SLC9C2: variants seen among roughly 807,000 people sequenced by gnomAD.
SLC9C2 encodes the protein sodium/hydrogen exchanger 11.
Under a neutral mutation model 140.2 loss-of-function variants are expected in SLC9C2, and 75 were observed. The observed-to-expected ratio is 0.53, with a 90% CI of 0.44 to 0.65. SLC9C2 has a LOEUF of 0.65. Ranked by LOEUF, SLC9C2 falls within the 30% of genes least tolerant of loss-of-function variation. SLC9C2 has a pLI of 0.00. For synonymous variants in SLC9C2, 375 were observed against 420.9 expected (o/e 0.89, Z 1.34); for missense variants, 1,074 against 1,331.8 (o/e 0.81, Z 3.01).
intron 23 of SLC9C2, among the ~76,000 whole-genome samples, chr1:173,512,354 A>G (rs927716666): frequency 6.6e-6 from 1 of 152,118 alleles, no homozygotes; most frequent in Non-Finnish European, 1.5e-5. Flanking sequence ...GTTCTCCTTG[A>G]AAAGGTCCTT....
chr1:173,524,624 C>T lies in SLC9C2; in HGVS notation c.2514+155G>A, dbSNP rs148283204. Among the ~76,000 whole-genome samples, 666 of 152,282 alleles carry T rather than the reference C, an allele frequency of 4.4e-3. 6 individuals carry two copies. The highest frequency in any genetic ancestry group is 0.015 in the African/African-American group (625 of 41,552). ...ACAAATGGAGTGTACCGGATTGCAT[C>T]GGCATTCGTTGTCCTTTGCATTATC... On this transcript the variant is annotated intron_variant, in intron 20 of 27. Transcript: ENST00000367714.
intron 2 of SLC9C2, 31 bp downstream of exon 2, chr1:173,601,619 G>A (rs759188090): frequency 6.2e-7 from 1 of 1,609,176 alleles, no homozygotes; most frequent in South Asian, 1.1e-5. Flanking sequence ...ACAGGGCAGA[G>A]GAAAGATGAG....
chr1:173,528,133 G>C (rs1159419041), intron 18 of SLC9C2, among the ~76,000 whole-genome samples: 1 of 152,166 alleles, frequency 6.6e-6, no homozygotes, highest in African/African-American at 2.4e-5. Flanking sequence ...CCTACAAAGA[G>C]AGCATAATCA....
At chr1:173,598,091 T>C in intron 3 of SLC9C2, 59 bp from the exon 4 acceptor site, 2 of 1,500,250 alleles carry the variant, frequency 1.3e-6, no homozygotes, top group Middle Eastern at 2.1e-4. Context: ...TATTAGAAAC[T>C]AGGTTGATGC....
At chr1:173,567,077 A>G (rs766152307) in intron 9 of SLC9C2, among the ~76,000 whole-genome samples, 4 of 152,080 alleles carry the variant, frequency 2.6e-5, no homozygotes, top group Non-Finnish European at 4.4e-5. Flanking sequence ...GACTTGTTTT[A>G]TGATCTAACA....
intron 5 of SLC9C2, 103 bp from the exon 6 acceptor site, chr1:173,583,725 GA>G (rs1261745085): frequency 3.0e-6 from 2 of 661,078 alleles, no homozygotes; most frequent in Admixed American, 5.7e-5. Flanking sequence ...AGAAAAAAGA[GA>G]AAGAACAAGG....
At chr1:173,529,473 A>C (rs1217651280) in intron 18 of SLC9C2, among the ~76,000 whole-genome samples, 2 of 151,194 alleles carry the variant, frequency 1.3e-5, no homozygotes, top group Non-Finnish European at 2.9e-5. Flanking sequence ...CTACTCACCC[A>C]CCCCACAGTA....
At chr1:173,514,688 T>C (rs953892834) in intron 23 of SLC9C2, among the ~76,000 whole-genome samples, 3 of 152,246 alleles carry the variant, frequency 2.0e-5, no homozygotes, top group African/African-American at 2.4e-5. Context: ...GTCATCATGA[T>C]GCTATCTGGT....
At chr1:173,529,007 T>C (rs759044888) in intron 18 of SLC9C2, among the ~76,000 whole-genome samples, 1 of 152,212 alleles carries the variant, frequency 6.6e-6, no homozygotes, top group Non-Finnish European at 1.5e-5. Flanking sequence ...GATAATATTA[T>C]GTTAATTCTT....
At chr1:173,538,215 G>T (rs1028728447) in intron 13 of SLC9C2, among the ~76,000 whole-genome samples, 1 of 152,220 alleles carries the variant, frequency 6.6e-6, no homozygotes, top group Admixed American at 6.5e-5. Context: ...GGCTACTGGA[G>T]CACTTAGTGG....
chr1:173,550,691 C>T (rs1040016836), intron 11 of SLC9C2, among the ~76,000 whole-genome samples: 4 of 151,830 alleles, frequency 2.6e-5, no homozygotes, highest in African/African-American at 9.7e-5. Context: ...CCCGCCTTGG[C>T]CTTCCAAAGT....
chr1:173,589,244 G>A (rs940277863), intron 4 of SLC9C2, among the ~76,000 whole-genome samples: 2 of 151,938 alleles, frequency 1.3e-5, no homozygotes, highest in Non-Finnish European at 2.9e-5. Flanking sequence ...ATGATTATGG[G>A]ACTATTTGGG....
chr1:173,592,413 T>C lies in SLC9C2; in HGVS notation c.358-4583A>G, dbSNP rs188737585. 2.4e-4 allele frequency among the ~76,000 whole-genome samples: 36 copies of C among 152,352 alleles called. No homozygotes were observed. The East Asian group carries it at 6.6e-3, about 28-fold the overall frequency. On this transcript the variant is annotated intron_variant, in intron 4 of 27. Coordinates refer to ENST00000367714, the MANE Select transcript of SLC9C2 (RefSeq NM_178527.4). ...GTTCTGTGAAGAACATCTTCGGCAG[T>C]TTGATAGAAATAGCACTGAATTGGT...
chr1:173,582,396 T>C (rs1164408649), intron 6 of SLC9C2, among the ~76,000 whole-genome samples: 2 of 152,204 alleles, frequency 1.3e-5, no homozygotes, highest in African/African-American at 4.8e-5. Flanking sequence ...ACTGCTAACC[T>C]GCAGTTAGTT....
Position 173,506,978 on chromosome 1 carries a change from T to C in SLC9C2, c.3103A>G (p.Ser1035Gly), listed in dbSNP as rs1393246678. The C allele has an allele frequency of 7.4e-6, 12 of 1,612,272 alleles. No homozygotes were observed. The highest frequency in any genetic ancestry group is 5.5e-5 in the South Asian group (5 of 90,586). The change falls in exon 25 of 28, where the codon AGT (serine) becomes GGT (glycine). Residue 1035 changes from serine (S) to glycine (G), a missense_variant. By Grantham distance (56) the Ser-to-Gly change is moderately conservative. Transcript: ENST00000367714. ...QAYVETLSSY[S>G]DMIIDNMTMK... ...GTCATATTATCAATAATCATGTCAC[T>C]ATAGCTTGATAAAGTTTCCACATAT...
chr1:173,501,276 C>T (rs1367881573), intron 27 of SLC9C2, among the ~76,000 whole-genome samples, 179 bp from the exon 28 acceptor site: 1 of 152,104 alleles, frequency 6.6e-6, no homozygotes, highest in African/African-American at 2.4e-5. Flanking sequence ...ATTACATGTG[C>T]ATCTCTACGC....
intron 4 of SLC9C2, among the ~76,000 whole-genome samples, chr1:173,591,285 C>T (rs578110894): frequency 4.3e-4 from 65 of 152,126 alleles, no homozygotes; most frequent in African/African-American, 1.4e-3. Flanking sequence ...CATTGATGGG[C>T]GTTAAGTTGA....
chr1:173,595,393 CTGATT>C (rs1666387357), intron 4 of SLC9C2, among the ~76,000 whole-genome samples: 1 of 152,170 alleles, frequency 6.6e-6, no homozygotes, highest in South Asian at 2.1e-4. Flanking sequence ...CACATGCCAG[CTGATT>C]TGACCCCCTT....
intron 11 of SLC9C2, among the ~76,000 whole-genome samples, chr1:173,553,774 C>T (rs1230721515): frequency 5.3e-5 from 8 of 152,138 alleles, no homozygotes; most frequent in Admixed American, 2.6e-4. Flanking sequence ...TGCTTTGTCA[C>T]GTGGTCTGGA....
Sources: gnomAD v4.1 joint callset for allele counts (sites outside exome capture counted in the v4.1 genomes callset) on GRCh38, gnomAD v4.1.1 for gene constraint, MANE v1.5 for transcripts, NCBI Gene and HGNC (gene_info 2026-07-23, HGNC 2026-07-21) for gene names.